Variants in BRD10 observed in about 807,000 individuals in gnomAD.
BRD10 encodes the protein uncharacterized bromodomain-containing protein 10.
chr9:5,910,036 T>C, the BRD10 span: 501 of 152,324 alleles, frequency 3.3e-3, 2 homozygotes, highest in African/African-American at 0.01. Context: ...TGAAAGTAAT[T>C]TTTTTAACCT....
At chr9:5,963,816 A>G in the BRD10 span, among the ~76,000 whole-genome samples, 1 of 152,098 alleles carries the variant, frequency 6.6e-6, no homozygotes. Context: ...AGGATTCCCC[A>G]TTTAATAAAT....
chr9:5,906,518 C>T, the BRD10 span, among the ~76,000 whole-genome samples: 3 of 152,166 alleles, frequency 2.0e-5, no homozygotes, highest in African/African-American at 7.2e-5. Context: ...TCAATTTTTG[C>T]TTGACAAAGT....
chr9:5,971,791 C>T, the BRD10 span, among the ~76,000 whole-genome samples: 1 of 152,006 alleles, frequency 6.6e-6, no homozygotes, highest in Non-Finnish European at 1.5e-5. Flanking sequence ...CTGTACAGAG[C>T]TAGGACTCCA....
At chr9:5,976,083 T>C in the BRD10 span, among the ~76,000 whole-genome samples, 1 of 152,170 alleles carries the variant, frequency 6.6e-6, no homozygotes, top group Non-Finnish European at 1.5e-5. Flanking sequence ...AAGAAATAGC[T>C]AAAAGTTAAA....
At chr9:5,963,632 A>G in the BRD10 span, among the ~76,000 whole-genome samples, 1 of 152,178 alleles carries the variant, frequency 6.6e-6, no homozygotes, top group Non-Finnish European at 1.5e-5. Context: ...AGCTGGAGGC[A>G]TCACGCTACC....
the BRD10 span, among the ~76,000 whole-genome samples, chr9:5,911,542 C>G: frequency 7.5e-6 from 1 of 132,958 alleles, no homozygotes; most frequent in South Asian, 2.4e-4. Flanking sequence ...CTTTTCTTTT[C>G]TTTTTTTTTT....
chr9:5,882,872 A>C, the BRD10 span, among the ~76,000 whole-genome samples: 1 of 152,196 alleles, frequency 6.6e-6, no homozygotes, highest in Non-Finnish European at 1.5e-5. Context: ...ACATGGATGA[A>C]GCTGGAAACC....
chr9:5,900,782 T>C, the BRD10 span, among the ~76,000 whole-genome samples: 1 of 152,242 alleles, frequency 6.6e-6, no homozygotes, highest in South Asian at 2.1e-4. Context: ...AAGTGGGAAA[T>C]GATTTGTAAT....
At chr9:5,978,878 A>G in the BRD10 span, among the ~76,000 whole-genome samples, 14 of 152,326 alleles carry the variant, frequency 9.2e-5, no homozygotes, top group South Asian at 1.4e-3. Context: ...AGAAGTATAT[A>G]CCTGCTCATA....
At chr9:5,908,884 G>A in the BRD10 span, 2 of 571,846 alleles carry the variant, frequency 3.5e-6, no homozygotes, top group Non-Finnish European at 3.1e-6. Context: ...ATCATGTGAG[G>A]AAATGATGAG....
chr9:5,898,771 C>T, the BRD10 span, among the ~76,000 whole-genome samples: 1 of 152,164 alleles, frequency 6.6e-6, no homozygotes, highest in African/African-American at 2.4e-5. Flanking sequence ...TCACTGGTTA[C>T]CTGTGAATTC....
chr9:5,979,273 G>C, the BRD10 span, among the ~76,000 whole-genome samples: 2 of 152,330 alleles, frequency 1.3e-5, no homozygotes, highest in Middle Eastern at 3.4e-3. Context: ...CAACAATTTG[G>C]AAGGCCAAGG....
the BRD10 span, among the ~76,000 whole-genome samples, chr9:5,986,792 G>A: frequency 1.3e-5 from 2 of 151,892 alleles, no homozygotes; most frequent in Non-Finnish European, 2.9e-5. Flanking sequence ...TTGATGTCAG[G>A]GCACACATAG....
chr9:5,955,663 T>TAACTGTCTTA, the BRD10 span, among the ~76,000 whole-genome samples: 1,650 of 152,318 alleles, frequency 0.011, 30 homozygotes, highest in African/African-American at 0.038. Context: ...CACAGGGGTT[T>TAACTGTCTTA]AACTGTCTTA....
the BRD10 span, among the ~76,000 whole-genome samples, chr9:5,905,853 A>G: frequency 6.6e-6 from 1 of 152,240 alleles, no homozygotes; most frequent in East Asian, 1.9e-4. Context: ...GGACCTCTTG[A>G]GACTATTCTC....
At chr9:5,892,954 A>G in the BRD10 span, among the ~76,000 whole-genome samples, 1 of 152,320 alleles carries the variant, frequency 6.6e-6, no homozygotes, top group Non-Finnish European at 1.5e-5. Flanking sequence ...GGAGCCAGTA[A>G]GGATGACGGG....
At chr9:5,940,400 AGC>A in the BRD10 span, among the ~76,000 whole-genome samples, 1 of 151,734 alleles carries the variant, frequency 6.6e-6, no homozygotes, top group Non-Finnish European at 1.5e-5. Flanking sequence ...TCACCATGTT[AGC>A]CAGGCTGGTC....
At chr9:5,977,768 G>C in the BRD10 span, among the ~76,000 whole-genome samples, 1 of 152,186 alleles carries the variant, frequency 6.6e-6, no homozygotes, top group South Asian at 2.1e-4. Context: ...CCAGGAGGCA[G>C]AGCTTGCAGT....
the BRD10 span, among the ~76,000 whole-genome samples, chr9:5,906,227 G>C: frequency 2.0e-5 from 3 of 150,716 alleles, no homozygotes; most frequent in African/African-American, 7.3e-5. Context: ...AGTTTTAGGA[G>C]GCTGAGGCAG....
Sources: gnomAD v4.1 joint callset for allele counts (sites outside exome capture counted in the v4.1 genomes callset) on GRCh38, gnomAD v4.1.1 for gene constraint, MANE v1.5 for transcripts, NCBI Gene and HGNC (gene_info 2026-07-23, HGNC 2026-07-21) for gene names.